Variants in RBFOX1 observed in about 807,000 individuals in gnomAD.
The protein encoded by RBFOX1 is RNA binding fox-1 homolog 1.
RBFOX1 carries 8 observed loss-of-function variants against 57.7 expected under a neutral mutation model. The observed-to-expected ratio is 0.14, with a 90% confidence interval of 0.08 to 0.25. The LOEUF (loss-of-function observed/expected upper bound fraction) is 0.25, where lower values mean the gene tolerates loss of function less well. Ranked by LOEUF, RBFOX1 falls within the 10% of genes least tolerant of loss-of-function variation. RBFOX1 has a pLI of 1.00. For missense variants in RBFOX1, 611 were observed against 548.5 expected (o/e 1.11, Z -1.14); for synonymous variants, 326 against 222.4 (o/e 1.47, Z -4.15).
At chr16:7,292,311 CGTATT>C (rs2095803083) in intron 4 of RBFOX1, among the ~76,000 whole-genome samples, 1 of 115,594 alleles carries the variant, frequency 8.7e-6, no homozygotes, top group African/African-American at 3.3e-5. Flanking sequence ...TGATATATGA[CGTATT>C]ATATATCATA....
At chr16:7,193,998 A>T (rs945321812) in intron 4 of RBFOX1, among the ~76,000 whole-genome samples, 53 of 152,042 alleles carry the variant, frequency 3.5e-4, no homozygotes, top group Admixed American at 6.5e-5. Flanking sequence ...TTTCCCAAGT[A>T]TAAGCCGTAT....
chr16:6,118,795 C>CTCCT (rs141645206), intron 1 of RBFOX1, among the ~76,000 whole-genome samples: 151 of 147,264 alleles, frequency 1.0e-3, no homozygotes, highest in African/African-American at 3.3e-3. Context: ...CTTTCTCTCT[C>CTCCT]TCCTTCCTTC....
intron 4 of RBFOX1, among the ~76,000 whole-genome samples, chr16:5,998,078 T>A (rs1338070996): frequency 6.6e-6 from 1 of 152,220 alleles, no homozygotes; most frequent in Non-Finnish European, 1.5e-5. Flanking sequence ...CATTTGAGTT[T>A]CAAGACTGTA....
chr16:5,388,750 T>A (rs1222598516), intron 1 of RBFOX1, among the ~76,000 whole-genome samples: 3 of 151,906 alleles, frequency 2.0e-5, no homozygotes, highest in Admixed American at 1.3e-4. Flanking sequence ...AATTTTTTTG[T>A]AATTTTAATA....
chr16:6,352,699 A>T (rs1156744313), intron 2 of RBFOX1, among the ~76,000 whole-genome samples: 1 of 152,228 alleles, frequency 6.6e-6, no homozygotes, highest in Non-Finnish European at 1.5e-5. Flanking sequence ...CGTGTTTGAT[A>T]CAAAGGGCAT....
At chr16:6,205,980 A>G (rs969619485) in intron 1 of RBFOX1, among the ~76,000 whole-genome samples, 5 of 149,874 alleles carry the variant, frequency 3.3e-5, no homozygotes, top group Non-Finnish European at 7.4e-5. Flanking sequence ...GATCTGGAGT[A>G]TATGTATTCT....
intron 2 of RBFOX1, among the ~76,000 whole-genome samples, chr16:6,430,189 A>G (rs757762414): frequency 2.0e-5 from 3 of 152,038 alleles, no homozygotes; most frequent in Non-Finnish European, 4.4e-5. Context: ...GTATGTCTTT[A>G]TTAGCGGCAT....
intron 4 of RBFOX1, among the ~76,000 whole-genome samples, chr16:5,904,550 C>G (rs889147864): frequency 2.6e-5 from 4 of 151,816 alleles, no homozygotes; most frequent in Admixed American, 6.6e-5. Context: ...CAGGTGCATT[C>G]AGACCATGGT....
intron 4 of RBFOX1, among the ~76,000 whole-genome samples, chr16:7,165,934 A>ACACACC (rs1006973569): frequency 7.8e-5 from 2 of 25,614 alleles, no homozygotes; most frequent in Admixed American, 9.7e-4. Context: ...GCATGCACAT[A>ACACACC]CACACACACA....
At chr16:7,392,871 G>A (rs2098062613) in intron 4 of RBFOX1, among the ~76,000 whole-genome samples, 1 of 151,784 alleles carries the variant, frequency 6.6e-6, no homozygotes, top group African/African-American at 2.4e-5. Context: ...TTGTTTGTTT[G>A]TTTGTTTGTT....
intron 1 of RBFOX1, among the ~76,000 whole-genome samples, chr16:6,288,349 A>G (rs1361884116): frequency 6.6e-6 from 1 of 152,176 alleles, no homozygotes; most frequent in African/African-American, 2.4e-5. Context: ...GTTCAAATAT[A>G]GATTCAGATT....
chr16:7,031,493 G>C (rs1483080205), intron 3 of RBFOX1, among the ~76,000 whole-genome samples: 1 of 152,040 alleles, frequency 6.6e-6, no homozygotes, highest in African/African-American at 2.4e-5. Context: ...CTACTTGGGA[G>C]GCTGAGGCAG....
chr16:5,665,701 A>G (rs755849198), intron 3 of RBFOX1, among the ~76,000 whole-genome samples: 16 of 152,122 alleles, frequency 1.1e-4, no homozygotes, highest in Non-Finnish European at 1.9e-4. Context: ...CTGTTTCTCC[A>G]TGTTTACTGA....
At chr16:6,560,123 T>C (rs554153777) in intron 2 of RBFOX1, among the ~76,000 whole-genome samples, 2 of 147,680 alleles carry the variant, frequency 1.4e-5, no homozygotes, top group Non-Finnish European at 3.0e-5. Context: ...GGTGGGGTAA[T>C]CACTCTGTTA....
At chr16:7,485,198 G>T (rs972949129) in intron 4 of RBFOX1, among the ~76,000 whole-genome samples, 1 of 152,086 alleles carries the variant, frequency 6.6e-6, no homozygotes, top group African/African-American at 2.4e-5. Flanking sequence ...TGACCTACCT[G>T]TTATTTTGTT....
intron 3 of RBFOX1, among the ~76,000 whole-genome samples, chr16:6,985,849 A>AG (rs1491197129): frequency 9.1e-6 from 1 of 110,016 alleles, no homozygotes; most frequent in Non-Finnish European, 2.4e-5. Context: ...AAAAAAAAAC[A>AG]GAATTTTTTT....
At chr16:6,518,879 G>C (rs186873452) in intron 2 of RBFOX1, among the ~76,000 whole-genome samples, 28 of 151,452 alleles carry the variant, frequency 1.8e-4, no homozygotes, top group African/African-American at 6.5e-4. Flanking sequence ...AACGTGCCCC[G>C]TTCTTCCCTG....
intron 4 of RBFOX1, among the ~76,000 whole-genome samples, chr16:7,245,901 T>C (rs1051672958): frequency 1.3e-5 from 2 of 152,178 alleles, no homozygotes; most frequent in Non-Finnish European, 2.9e-5. Context: ...CAAATAGATA[T>C]TCAATTCTCC....
At chr16:6,125,069 C>T (rs1276870539) in intron 1 of RBFOX1, among the ~76,000 whole-genome samples, 2 of 152,120 alleles carry the variant, frequency 1.3e-5, no homozygotes, top group African/African-American at 4.8e-5. Flanking sequence ...ATCCCCTCCT[C>T]AGAGTTCCCC....
Sources: gnomAD v4.1 joint callset for allele counts (sites outside exome capture counted in the v4.1 genomes callset) on GRCh38, gnomAD v4.1.1 for gene constraint, MANE v1.5 for transcripts, NCBI Gene and HGNC (gene_info 2026-07-23, HGNC 2026-07-21) for gene names.